Variants in SEC16B observed in about 807,000 individuals in gnomAD.
SEC16B encodes SEC16 homolog B, endoplasmic reticulum export factor, also known as protein transport protein Sec16B.
In SEC16B, 115 loss-of-function variants were observed where a neutral mutation model predicts 141.8. The ratio of observed to expected loss-of-function variants is 0.81; its 90% CI spans 0.70 to 0.95. The LOEUF (loss-of-function observed/expected upper bound fraction) is 0.95. SEC16B is among the 40% of genes least tolerant of loss of function. The probability of loss-of-function intolerance (pLI) is 0.00; values close to 1 mark genes in which losing one functional copy is unlikely to be tolerated. For synonymous variants in SEC16B, 493 were observed against 492.5 expected, an observed-to-expected ratio of 1.00 and a Z score of -0.01; for missense variants, 1,291 against 1,312.3, an observed-to-expected ratio of 0.98 and a Z score of 0.25.
intron 11 of SEC16B, among the ~76,000 whole-genome samples, chr1:177,952,395 C>G (rs1652261936): frequency 6.6e-6 from 1 of 152,180 alleles, no homozygotes; most frequent in Non-Finnish European, 1.5e-5. Context: ...ATCTCCCACT[C>G]CCTGCAGCCC....
intron 14 of SEC16B, among the ~76,000 whole-genome samples, 154 bp from the exon 15 acceptor site, chr1:177,944,820 T>C (rs1314392988): frequency 6.6e-6 from 1 of 152,086 alleles, no homozygotes; most frequent in Non-Finnish European, 1.5e-5. Flanking sequence ...AAGGAGACTC[T>C]GGGCTCCCAG....
intron 1 of SEC16B, among the ~76,000 whole-genome samples, chr1:177,979,614 G>A (rs1394367701): frequency 6.6e-6 from 1 of 152,198 alleles, no homozygotes; most frequent in Admixed American, 6.5e-5. Context: ...ACATTGAAGG[G>A]CACAAGAAGA....
chr1:177,965,975 A>G lies in SEC16B; in HGVS notation c.330T>C (p.Tyr110=). 1 of 1,591,786 alleles carries G rather than the reference A, an allele frequency of 6.3e-7. No individual in the cohort carries two copies. Among genetic ancestry groups the G allele is most frequent in the Non-Finnish European group, 8.6e-7 (1 of 1,167,576 alleles). Reference sequence around the variant, plus strand: ...ATTCCTCCCTCATTGTGGGAGACTGATAGCTCTGATATGAATTCTCATAAC... The same window carrying G: ...ATTCCTCCCTCATTGTGGGAGACTGGTAGCTCTGATATGAATTCTCATAAC... ...RPGYENSYQS[Y]QSPTMREEYA... Residue 110 remains tyrosine (Y), a synonymous_variant, in exon 3 of 26, where the codon TAT becomes TAC. Coordinates refer to ENST00000308284, the MANE Select transcript of SEC16B (RefSeq NM_033127.4).
chr1:177,937,581 G>A, intron 18 of SEC16B, 68 bp from the exon 19 acceptor site: 7 of 1,299,044 alleles, frequency 5.4e-6, no homozygotes, highest in Non-Finnish European at 7.3e-6. Context: ...GATCACACCA[G>A]AAACATTCCT....
Position 177,965,877 on chromosome 1 carries a change from G to A in SEC16B, c.412+16C>T. 1 of 1,506,588 alleles carries A rather than the reference G, an allele frequency of 6.6e-7. No homozygotes were observed. The allele number at this position is 1,506,588 out of a possible 1,614,324, so 93.3% of individuals were successfully genotyped here. A position where few individuals can be genotyped will look rare whatever the true frequency, so the allele number is the denominator to read the frequency against. ...CATCCCCAAATCCCAGAGGCTTCTT[G>A]GAGACTTTTCCATACCTCTTTCTTC... On this transcript the variant is annotated intron_variant, in intron 3 of 25. Transcript: ENST00000308284.
upstream of SEC16B, chr1:177,971,313 C>T (rs1376089315): frequency 6.6e-6 from 1 of 152,180 alleles, no homozygotes; most frequent in Admixed American, 6.5e-5. Context: ...AACTCCTGAC[C>T]TTGTGATCCA....
At chr1:177,935,760 A>G (rs1274421370) in intron 20 of SEC16B, among the ~76,000 whole-genome samples, 2 of 151,990 alleles carry the variant, frequency 1.3e-5, no homozygotes, top group African/African-American at 2.4e-5. Context: ...CAACCAGGAG[A>G]AGCTGAAGAA....
chr1:177,964,212 G>A lies in SEC16B; in HGVS notation c.601C>T (p.Leu201=), dbSNP rs1653318360. 1.9e-6 allele frequency: 3 copies of A among 1,613,622 alleles called. No homozygotes were observed. The East Asian group carries it at 6.7e-5, about 36-fold the overall frequency. The stretch of plus-strand genomic sequence containing the variant: ...TCAGCAAGCAGGCTCCCTGGAAACA[G>A]CTCCCCCGGCCACTCCTGTCCAGAG... The part of the protein sequence containing the change: ...SNSGQEWPGE[L]FPGSLLAEAQ... Residue 201 remains leucine, a synonymous_variant, in exon 5 of 26, where the codon CTG becomes TTG. Coordinates refer to ENST00000308284, the MANE Select transcript of SEC16B (RefSeq NM_033127.4).
At chr1:177,969,092 G>C (rs1185080507) in intron 1 of SEC16B, among the ~76,000 whole-genome samples, 1 of 152,148 alleles carries the variant, frequency 6.6e-6, no homozygotes, top group Non-Finnish European at 1.5e-5. Flanking sequence ...GGCTAGGTCG[G>C]CCTCGATTTT....
chr1:177,929,706 T>C lies in SEC16B; in HGVS notation c.*152A>G. 3 of 695,524 alleles carry C rather than the reference T, an allele frequency of 4.3e-6. No individual in the cohort carries two copies. The highest frequency in any genetic ancestry group is 7.6e-6 in the Non-Finnish European group (3 of 393,520). The allele number at this position is 695,524 out of a possible 1,614,324, so 43.1% of individuals were successfully genotyped here. A position where few individuals can be genotyped will look rare whatever the true frequency, so the allele number is the denominator to read the frequency against. On this transcript the variant is annotated 3_prime_UTR_variant, in exon 26 of 26. Coordinates refer to ENST00000308284, the MANE Select transcript of SEC16B (RefSeq NM_033127.4). ...AATTGTGCTGTGTCTTGAGAGATCCTGTCCTCTTGCCTTCTAAGTGCCCGG... is the reference window on the plus strand; with the variant it reads ...AATTGTGCTGTGTCTTGAGAGATCCCGTCCTCTTGCCTTCTAAGTGCCCGG...
chr1:177,932,002 G>A (rs994577121), intron 24 of SEC16B, among the ~76,000 whole-genome samples: 1 of 151,928 alleles, frequency 6.6e-6, no homozygotes, highest in Non-Finnish European at 1.5e-5. Flanking sequence ...AAAAAATCAC[G>A]TGTTGAAGCC....
chr1:177,930,420 G>T, intron 25 of SEC16B, 125 bp downstream of exon 25: 1 of 651,418 alleles, frequency 1.5e-6, no homozygotes, highest in Non-Finnish European at 2.7e-6. Flanking sequence ...ACTGAGACTT[G>T]GAGAGGCTAA....
chr1:177,971,447 T>A (rs915560894), upstream of SEC16B: 2 of 152,086 alleles, frequency 1.3e-5, no homozygotes, highest in East Asian at 3.9e-4. Flanking sequence ...CTGTTGTTTT[T>A]AATCCTTCTG....
chr1:177,938,087 G>C (rs1473497038), intron 18 of SEC16B, among the ~76,000 whole-genome samples: 1 of 152,120 alleles, frequency 6.6e-6, no homozygotes, highest in Non-Finnish European at 1.5e-5. Flanking sequence ...AGCTCAACAA[G>C]CACTGGCCTC....
chr1:177,964,256 T>C lies in SEC16B; in HGVS notation c.557A>G (p.Lys186Arg). ...TCCAGAGTTGGAAGCAGGGCTGTCT[T>C]TACAAGGGTTCCTACTGTTAGATCT... ...HFQSNSRNPCKDSPASNSGQE... is the reference protein window; with the variant it reads ...HFQSNSRNPCRDSPASNSGQE... The change falls in exon 5 of 26, where the codon AAA becomes AGA. Residue 186 changes from lysine to arginine, a missense_variant. Around this residue, in one of 3 missense-constraint regions of SEC16B, gnomAD observed 681 missense variants for 675.5 expected, o/e 1.01. Transcript: ENST00000308284. The C allele has an allele frequency of 6.2e-7, 1 of 1,613,394 alleles. No individual in the cohort carries two copies. The highest frequency in any genetic ancestry group is 8.5e-7 in the Non-Finnish European group (1 of 1,179,548).
intron 8 of SEC16B, chr1:177,960,028 C>T (rs1010798660): frequency 1.1e-5 from 4 of 351,250 alleles, no homozygotes; most frequent in Middle Eastern, 8.0e-4. Flanking sequence ...GGCGATGCTC[C>T]ACTTTTCTAC....
At chr1:177,973,557 A>C (rs1365315990), upstream of SEC16B, among the ~76,000 whole-genome samples, 1 of 152,220 alleles carries the variant, frequency 6.6e-6, no homozygotes, top group African/African-American at 2.4e-5. Flanking sequence ...TTAGGCATTC[A>C]AGCTGCTAAA....
intron 18 of SEC16B, among the ~76,000 whole-genome samples, chr1:177,937,755 C>T (rs1362458083): frequency 6.6e-6 from 1 of 152,026 alleles, no homozygotes; most frequent in Non-Finnish European, 1.5e-5. Flanking sequence ...AAATAAAATC[C>T]TAAGCTCCTC....
intron 1 of SEC16B, among the ~76,000 whole-genome samples, chr1:177,968,651 G>A (rs1348807137): frequency 6.6e-6 from 1 of 152,148 alleles, no homozygotes; most frequent in Non-Finnish European, 1.5e-5. Flanking sequence ...AAAGATTAGG[G>A]TAGTATGAGT....
Sources: gnomAD v4.1 joint callset for allele counts (sites outside exome capture counted in the v4.1 genomes callset) on GRCh38, gnomAD v4.1.1 for gene constraint, gnomAD v4.1.1 regional missense constraint, MANE v1.5 for transcripts, NCBI Gene and HGNC (gene_info 2026-07-23, HGNC 2026-07-21) for gene names.